The following TRIM9 variants were observed in gnomAD, a reference collection of about 807,000 sequenced individuals.
TRIM9 encodes the protein tripartite motif containing 9.
In TRIM9, 26 loss-of-function variants were observed where a neutral mutation model predicts 78.3. That is an observed-to-expected ratio of 0.33 (90% CI 0.24 to 0.46). The LOEUF (loss-of-function observed/expected upper bound fraction) is 0.46. Ranked by LOEUF, TRIM9 falls within the 20% of genes least tolerant of loss-of-function variation. The pLI, the probability that TRIM9 is intolerant of heterozygous loss-of-function variation, is 1.00. For missense variants in TRIM9, 787 were observed against 1,036.4 expected (o/e 0.76, Z 3.30); for synonymous variants, 398 against 416.5 (o/e 0.96, Z 0.54).
chr14:51,089,306 C>T (rs949024996), intron 1 of TRIM9: 4 of 152,194 alleles, frequency 2.6e-5, no homozygotes, highest in Non-Finnish European at 5.9e-5. Context: ...ATAGGTTCTT[C>T]TATCCTTCTG....
At chr14:51,019,707 T>C (rs1233056021) in intron 3 of TRIM9, among the ~76,000 whole-genome samples, 1 of 152,218 alleles carries the variant, frequency 6.6e-6, no homozygotes, top group African/African-American at 2.4e-5. Context: ...ACATTAAAGA[T>C]TGTGCTAAGT....
At chr14:51,022,019 A>G (rs571860755) in intron 3 of TRIM9, among the ~76,000 whole-genome samples, 8 of 152,260 alleles carry the variant, frequency 5.3e-5, no homozygotes, top group Admixed American at 5.2e-4. Flanking sequence ...TGGCCACCCT[A>G]TCCAAAATTT....
chr14:51,080,368 T>C lies in TRIM9; in HGVS notation c.822+13750A>G, dbSNP rs566804219. On this transcript the variant is annotated intron_variant, in intron 1 of 12. Coordinates refer to ENST00000684578, the MANE Select transcript of TRIM9 (RefSeq NM_001387360.1). ...TGTGGAATATAGAAAGAAAATGTGA[T>C]TATGGGTGTCTGAGGGCATGGAAGA... Among the ~76,000 whole-genome samples the C allele has an allele frequency of 2.1e-3, 318 of 151,138 alleles. 1 individual carries two copies. The highest frequency in any genetic ancestry group is 6.9e-3 in the African/African-American group (284 of 40,924).
At chr14:51,007,549 C>T (rs1796467120) in intron 5 of TRIM9, among the ~76,000 whole-genome samples, 1 of 152,174 alleles carries the variant, frequency 6.6e-6, no homozygotes, top group Admixed American at 6.5e-5. Context: ...GAATCCTGGC[C>T]TTGCCACTCA....
At chr14:50,984,096 T>C (rs2052379488) in intron 8 of TRIM9, among the ~76,000 whole-genome samples, 1 of 152,166 alleles carries the variant, frequency 6.6e-6, no homozygotes. Context: ...AAGATTTGGA[T>C]ACCTGTACCC....
intron 1 of TRIM9, among the ~76,000 whole-genome samples, chr14:51,082,255 T>C (rs906308287): frequency 6.6e-6 from 1 of 152,190 alleles, no homozygotes; most frequent in East Asian, 1.9e-4. Context: ...TACTATATCA[T>C]GATACTCAAG....
intron 1 of TRIM9, among the ~76,000 whole-genome samples, chr14:51,045,209 AT>A (rs2059862855): frequency 6.6e-6 from 1 of 152,180 alleles, no homozygotes; most frequent in African/African-American, 2.4e-5. Flanking sequence ...TGTGAGCATC[AT>A]GTCTGGTCCT....
At chr14:51,012,235 C>A (rs1199977946) in intron 3 of TRIM9, among the ~76,000 whole-genome samples, 1 of 152,188 alleles carries the variant, frequency 6.6e-6, no homozygotes, top group Non-Finnish European at 1.5e-5. Context: ...TCCCCATTTC[C>A]CCTTCCTCCC....
intron 1 of TRIM9, among the ~76,000 whole-genome samples, chr14:51,026,292 G>T (rs964128263): frequency 5.3e-5 from 8 of 152,136 alleles, no homozygotes; most frequent in African/African-American, 1.9e-4. Flanking sequence ...GGGATGGGAG[G>T]GGAAGGAGCT....
chr14:51,037,292 G>A (rs1441376038), intron 1 of TRIM9, among the ~76,000 whole-genome samples: 1 of 152,144 alleles, frequency 6.6e-6, no homozygotes, highest in African/African-American at 2.4e-5. Flanking sequence ...AAATATGATT[G>A]TGTAGGTTAG....
intron 7 of TRIM9, among the ~76,000 whole-genome samples, chr14:50,993,351 C>T (rs2053768929): frequency 1.3e-5 from 2 of 151,636 alleles, no homozygotes; most frequent in East Asian, 1.9e-4. Flanking sequence ...AGCTGGAACG[C>T]TACTCTTTTC....
chr14:51,056,394 T>C (rs555530127), intron 1 of TRIM9, among the ~76,000 whole-genome samples: 1 of 152,330 alleles, frequency 6.6e-6, no homozygotes, highest in South Asian at 2.1e-4. Context: ...TACTACTAAA[T>C]ACAAAGGTGA....
chr14:50,993,762 C>T (rs1051129268), intron 7 of TRIM9, among the ~76,000 whole-genome samples: 3 of 152,142 alleles, frequency 2.0e-5, no homozygotes, highest in African/African-American at 7.2e-5. Context: ...TCTTTCTTTC[C>T]ATTTGGTTGA....
chr14:50,982,235 C>A, intron 10 of TRIM9, 132 bp from the exon 11 acceptor site: 1 of 1,038,354 alleles, frequency 9.6e-7, no homozygotes, highest in Non-Finnish European at 1.4e-6. Flanking sequence ...GCGTCCAGGG[C>A]CAGGGCAGAC....
chr14:51,093,410 A>C (rs1203842888), intron 1 of TRIM9, among the ~76,000 whole-genome samples: 1 of 152,240 alleles, frequency 6.6e-6, no homozygotes, highest in Non-Finnish European at 1.5e-5. Flanking sequence ...GCGACTGCGC[A>C]AACTCCGGTC....
At chr14:51,065,068 A>G (rs1449434407) in intron 1 of TRIM9, among the ~76,000 whole-genome samples, 1 of 152,186 alleles carries the variant, frequency 6.6e-6, no homozygotes, top group Non-Finnish European at 1.5e-5. Flanking sequence ...TCTTCTCAAT[A>G]ATATTAACAA....
At chr14:51,088,030 C>T (rs2063930292) in intron 1 of TRIM9, among the ~76,000 whole-genome samples, 1 of 152,108 alleles carries the variant, frequency 6.6e-6, no homozygotes, top group African/African-American at 2.4e-5. Flanking sequence ...CATATAAATA[C>T]TACAAAACTT....
chr14:51,081,697 C>T (rs1382513415), intron 1 of TRIM9, among the ~76,000 whole-genome samples: 4 of 152,220 alleles, frequency 2.6e-5, no homozygotes, highest in African/African-American at 7.2e-5. Flanking sequence ...AACCTTGGAT[C>T]ATCCCCTTCT....
intron 1 of TRIM9, among the ~76,000 whole-genome samples, chr14:51,092,219 G>A (rs188421745): frequency 2.0e-5 from 3 of 152,226 alleles, no homozygotes; most frequent in East Asian, 3.9e-4. Flanking sequence ...ATTTAAATTC[G>A]ACTGTTCTGA....
Sources: gnomAD v4.1 joint callset for allele counts (sites outside exome capture counted in the v4.1 genomes callset) on GRCh38, gnomAD v4.1.1 for gene constraint, MANE v1.5 for transcripts, NCBI Gene and HGNC (gene_info 2026-07-23, HGNC 2026-07-21) for gene names.